Variants in KCNH1 observed in about 807,000 individuals in gnomAD.
The protein encoded by KCNH1 is potassium voltage-gated channel subfamily H member 1.
Under a neutral mutation model 69.2 loss-of-function variants are expected in KCNH1, and 27 were observed. The observed-to-expected ratio is 0.39, with a 90% confidence interval of 0.29 to 0.54. The LOEUF is 0.54. Ranked by LOEUF, KCNH1 falls within the 20% of genes least tolerant of loss-of-function variation. KCNH1 has a pLI of 0.68. For synonymous variants in KCNH1, 456 were observed against 487.7 expected, an observed-to-expected ratio of 0.93 and a Z score of 0.86; for missense variants, 798 against 1,261.6, an observed-to-expected ratio of 0.63 and a Z score of 5.57.
At chr1:210,768,485 T>A (rs1435032898) in intron 10 of KCNH1, among the ~76,000 whole-genome samples, 1 of 152,180 alleles carries the variant, frequency 6.6e-6, no homozygotes, top group Non-Finnish European at 1.5e-5. Context: ...CCCCCATTGC[T>A]ATGAATAATG....
intron 7 of KCNH1, among the ~76,000 whole-genome samples, chr1:210,834,756 G>C (rs1407918321): frequency 1.3e-5 from 2 of 151,770 alleles, no homozygotes; most frequent in Admixed American, 1.3e-4. Context: ...GCCTTTGGTA[G>C]GTGATTAGGC....
At chr1:210,956,832 T>G (rs2102351831) in intron 6 of KCNH1, among the ~76,000 whole-genome samples, 1 of 152,268 alleles carries the variant, frequency 6.6e-6, no homozygotes, top group East Asian at 1.9e-4. Flanking sequence ...GCCAGCTGTC[T>G]ATCAATTTTG....
intron 10 of KCNH1, among the ~76,000 whole-genome samples, chr1:210,740,794 G>A (rs943652446): frequency 5.2e-5 from 7 of 135,184 alleles, no homozygotes; most frequent in African/African-American, 1.1e-4. Context: ...CACTTACCAC[G>A]TCTTTTAAAT....
intron 6 of KCNH1, among the ~76,000 whole-genome samples, chr1:210,989,743 A>G (rs1688906048): frequency 6.6e-6 from 1 of 152,232 alleles, no homozygotes; most frequent in African/African-American, 2.4e-5. Context: ...ATCTATAGGT[A>G]TCGAGATACC....
chr1:211,078,934 A>AAAAAAAG (rs1553377558), intron 5 of KCNH1, among the ~76,000 whole-genome samples: 11 of 142,356 alleles, frequency 7.7e-5, no homozygotes, highest in East Asian at 2.0e-4. Context: ...AAAAAAAAAA[A>AAAAAAAG]AAAGAAAGAA....
intron 1 of KCNH1, among the ~76,000 whole-genome samples, chr1:211,122,826 G>C (rs986991223): frequency 7.2e-5 from 11 of 152,082 alleles, no homozygotes; most frequent in Non-Finnish European, 1.6e-4. Context: ...GGTCCTGTTG[G>C]GGGTGGGGGT....
At chr1:210,713,981 A>ACGAT (rs560437924) in intron 10 of KCNH1, among the ~76,000 whole-genome samples, 194 of 152,302 alleles carry the variant, frequency 1.3e-3, no homozygotes, top group Admixed American at 4.2e-3. Context: ...GAGGCTTCTC[A>ACGAT]CGATTGTCCT....
intron 7 of KCNH1, among the ~76,000 whole-genome samples, chr1:210,864,556 C>G (rs950786296): frequency 1.3e-5 from 2 of 152,116 alleles, no homozygotes; most frequent in African/African-American, 4.8e-5. Context: ...CGGATGGTAA[C>G]CCTAAGGGTT....
chr1:210,728,191 T>G (rs1342276729), intron 10 of KCNH1, among the ~76,000 whole-genome samples: 3 of 152,226 alleles, frequency 2.0e-5, no homozygotes, highest in Non-Finnish European at 4.4e-5. Context: ...CTTAGGAGTC[T>G]GAAGACTCTT....
chr1:211,098,154 C>T (rs939443203), intron 3 of KCNH1, among the ~76,000 whole-genome samples: 1 of 151,262 alleles, frequency 6.6e-6, no homozygotes, highest in African/African-American at 2.4e-5. Context: ...CCCGACTCTA[C>T]AAAAATACAA....
At chr1:210,952,402 G>A (rs1688080684) in intron 6 of KCNH1, among the ~76,000 whole-genome samples, 1 of 152,044 alleles carries the variant, frequency 6.6e-6, no homozygotes, top group Admixed American at 6.5e-5. Flanking sequence ...GAGATTTATG[G>A]AGTCCTTACT....
At chr1:210,690,403 C>T (rs1009006782) in intron 10 of KCNH1, among the ~76,000 whole-genome samples, 3 of 152,210 alleles carry the variant, frequency 2.0e-5, no homozygotes, top group African/African-American at 4.8e-5. Context: ...CTTGAGTGGC[C>T]GAGCGTCAGA....
intron 6 of KCNH1, among the ~76,000 whole-genome samples, chr1:210,991,314 G>A (rs1688931888): frequency 6.6e-6 from 1 of 152,126 alleles, no homozygotes; most frequent in South Asian, 2.1e-4. Context: ...AACACCATGG[G>A]TAAACCTGGA....
intron 10 of KCNH1, among the ~76,000 whole-genome samples, chr1:210,686,346 G>A (rs913554121): frequency 3.3e-5 from 5 of 152,124 alleles, no homozygotes; most frequent in African/African-American, 7.2e-5. Flanking sequence ...AAGACCCAGC[G>A]CAAATGCACC....
intron 10 of KCNH1, among the ~76,000 whole-genome samples, chr1:210,686,170 G>A (rs1681403848): frequency 6.6e-6 from 1 of 152,182 alleles, no homozygotes; most frequent in East Asian, 1.9e-4. Flanking sequence ...CCTGAAGAGG[G>A]CCAGAGAAAC....
At chr1:211,058,454 G>A (rs1173374891) in intron 5 of KCNH1, among the ~76,000 whole-genome samples, 1 of 151,970 alleles carries the variant, frequency 6.6e-6, no homozygotes, top group East Asian at 1.9e-4. Flanking sequence ...TTAAAAGCAG[G>A]GGATGAAGTT....
intron 10 of KCNH1, among the ~76,000 whole-genome samples, chr1:210,738,814 C>T (rs1201190459): frequency 6.6e-6 from 1 of 152,136 alleles, no homozygotes; most frequent in African/African-American, 2.4e-5. Context: ...GATCCTCCTG[C>T]ATCAGCTTCC....
At chr1:211,115,701 C>CTATATATATATATATATA (rs201384583) in intron 1 of KCNH1, among the ~76,000 whole-genome samples, 1,242 of 68,634 alleles carry the variant, frequency 0.018, 60 homozygotes, top group Middle Eastern at 0.034. Flanking sequence ...ATAAACTCCC[C>CTATATATATATATATATA]TATATATATA....
intron 5 of KCNH1, among the ~76,000 whole-genome samples, chr1:211,071,176 T>C (rs1375852193): frequency 6.6e-6 from 1 of 152,224 alleles, no homozygotes; most frequent in African/African-American, 2.4e-5. Flanking sequence ...ATCATCTGTT[T>C]CCAATATGAA....
Sources: allele counts gnomAD v4.1 joint callset (sites outside exome capture counted in the v4.1 genomes callset), GRCh38; gene constraint gnomAD v4.1.1; transcripts MANE v1.5; gene names NCBI Gene and HGNC (gene_info 2026-07-23, HGNC 2026-07-21).